SORCS1: variants seen among roughly 807,000 people sequenced by gnomAD.
SORCS1 encodes sortilin related VPS10 domain containing receptor 1.
A neutral mutation model predicts 146.1 loss-of-function variants in SORCS1; 60 were observed. That is an observed-to-expected ratio of 0.41 (90% CI 0.33 to 0.51). The LOEUF (loss-of-function observed/expected upper bound fraction) is 0.51, where lower values mean the gene tolerates loss of function less well. SORCS1 is among the 20% of genes least tolerant of loss of function. The probability of loss-of-function intolerance (pLI) is 0.21; values close to 1 mark genes in which losing one functional copy is unlikely to be tolerated. For synonymous variants in SORCS1, 637 were observed against 584.0 expected (o/e 1.09, Z -1.31); for missense variants, 1,352 against 1,487.6 (o/e 0.91, Z 1.50).
intron 1 of SORCS1, among the ~76,000 whole-genome samples, chr10:107,050,435 A>G (rs1255151737): frequency 2.0e-5 from 3 of 152,176 alleles, no homozygotes; most frequent in Non-Finnish European, 2.9e-5. Flanking sequence ...AGAAGACTCT[A>G]AGACATTGCT....
In SORCS1 at chr10:106,953,142, AGTGTGTGTGT is replaced by A. The variant is rs60289278; in HGVS notation, c.626+3361_626+3370del. Among the ~76,000 whole-genome samples the A allele has an allele frequency of 8.2e-3, 1,210 of 147,708 alleles. 16 individuals are homozygous for A. Among genetic ancestry groups the A allele is most frequent in the African/African-American group, 0.023 (943 of 40,348 alleles). On this transcript the variant is annotated intron_variant, in intron 2 of 25. Coordinates refer to ENST00000263054, the MANE Select transcript of SORCS1 (RefSeq NM_052918.5). ...AAATATATTATGTATCTGTGGGTATAGTGTGTGTGTGTGTGTGTGTGTGTGTGTGTGTGCA... is the reference window on the plus strand; with the variant it reads ...AAATATATTATGTATCTGTGGGTATAGTGTGTGTGTGTGTGTGTGTGTGCA...
chr10:106,581,073 G>A (rs1844876295), intron 24 of SORCS1, among the ~76,000 whole-genome samples: 1 of 152,176 alleles, frequency 6.6e-6, no homozygotes, highest in South Asian at 2.1e-4. Flanking sequence ...AGCTCTCAAT[G>A]CCATCGGCAG....
At chr10:107,065,439 CTT>C (rs1961686598) in intron 1 of SORCS1, among the ~76,000 whole-genome samples, 2 of 147,466 alleles carry the variant, frequency 1.4e-5, no homozygotes, top group African/African-American at 5.0e-5. Context: ...TTCTTTCTTT[CTT>C]TCTTTCTTTT....
chr10:107,144,309 T>G (rs982772695), intron 1 of SORCS1, among the ~76,000 whole-genome samples: 7 of 152,220 alleles, frequency 4.6e-5, no homozygotes, highest in African/African-American at 1.4e-4. Flanking sequence ...GGAGGACTAT[T>G]TCTGTGTTCT....
intron 6 of SORCS1, among the ~76,000 whole-genome samples, chr10:106,712,606 G>T (rs182518548): frequency 2.0e-5 from 3 of 151,894 alleles, no homozygotes; most frequent in Admixed American, 2.0e-4. Context: ...TACTTTAGCT[G>T]TAAGAATTAA....
Position 106,576,637 on chromosome 10 carries a change from A to G in SORCS1, c.*783T>C, listed in dbSNP as rs1844591633. Reference sequence around the variant, plus strand: ...CCTTCCTTCCTTATTCTACCGGCACAAAGGGATCTTCAACTCGCATCTTTG... The same window carrying G: ...CCTTCCTTCCTTATTCTACCGGCACGAAGGGATCTTCAACTCGCATCTTTG... On this transcript the variant is annotated 3_prime_UTR_variant, in exon 26 of 26. Coordinates refer to ENST00000263054, the MANE Select transcript of SORCS1 (RefSeq NM_052918.5). The G allele has an allele frequency of 6.6e-6, 1 of 152,290 alleles. No individual in the cohort carries two copies. Among genetic ancestry groups the G allele is most frequent in the Non-Finnish European group, 1.5e-5 (1 of 68,112 alleles). The allele number at this position is 152,290 out of a possible 1,614,324, so 9.4% of individuals were successfully genotyped here.
At chr10:107,065,444 T>TTTC (rs1208166653) in intron 1 of SORCS1, among the ~76,000 whole-genome samples, 1 of 144,206 alleles carries the variant, frequency 6.9e-6, no homozygotes, top group Admixed American at 6.9e-5. Flanking sequence ...TCTTTCTTTC[T>TTTC]TTCTTTTCTC....
Position 106,709,206 on chromosome 10 carries a change from A to G in SORCS1, c.1143+17T>C, listed in dbSNP as rs1169976599. ...GAAAGGTTTCTGAGACAATCAACAG[A>G]AGTGGATTTTTCCTACCTGAACAAA... On this transcript the variant is annotated intron_variant, in intron 7 of 25. Coordinates refer to ENST00000263054, the MANE Select transcript of SORCS1 (RefSeq NM_052918.5). 3 of 1,565,108 alleles carry G rather than the reference A, an allele frequency of 1.9e-6. No homozygotes were observed. The Admixed American group carries it at 5.0e-5, about 26-fold the overall frequency.
At chr10:107,002,103 A>G (rs1957246763) in intron 1 of SORCS1, among the ~76,000 whole-genome samples, 1 of 152,352 alleles carries the variant, frequency 6.6e-6, no homozygotes, top group East Asian at 1.9e-4. Flanking sequence ...GCCAAGGACA[A>G]GAACGGCCCT....
chr10:106,877,020 G>A (rs1950611257), intron 2 of SORCS1, among the ~76,000 whole-genome samples: 1 of 152,128 alleles, frequency 6.6e-6, no homozygotes, highest in Non-Finnish European at 1.5e-5. Context: ...TTACTAATTA[G>A]ACATTTACCT....
intron 1 of SORCS1, among the ~76,000 whole-genome samples, chr10:107,080,759 A>T (rs1963270002): frequency 6.6e-6 from 1 of 152,226 alleles, no homozygotes; most frequent in Non-Finnish European, 1.5e-5. Flanking sequence ...CCCAGTTATT[A>T]AAACAATAAT....
rs184048310 is a variant in SORCS1, at chr10:106,868,289, G to A, written c.627-38616C>T. Among the ~76,000 whole-genome samples the A allele has an allele frequency of 7.9e-5, 12 of 151,944 alleles. No homozygotes were observed. The East Asian group carries it at 2.3e-3, about 29-fold the overall frequency. On this transcript the variant is annotated intron_variant, in intron 2 of 25. Coordinates refer to ENST00000263054, the MANE Select transcript of SORCS1 (RefSeq NM_052918.5). The stretch of plus-strand genomic sequence containing the variant: ...ACCCCACTGACAGTATTAGATCATT[G>A]AGGGAGAAAATTAACAAGGATATTC...
intron 2 of SORCS1, among the ~76,000 whole-genome samples, chr10:106,834,233 C>A (rs564182461): frequency 5.3e-5 from 8 of 152,136 alleles, no homozygotes; most frequent in South Asian, 2.1e-4. Context: ...TTTTGCCCAA[C>A]AAAGAGGTTA....
intron 1 of SORCS1, among the ~76,000 whole-genome samples, chr10:107,004,407 G>C (rs1036949455): frequency 2.6e-5 from 4 of 152,128 alleles, no homozygotes; most frequent in Non-Finnish European, 2.9e-5. Context: ...TGGTGGAGGA[G>C]GCCTAGCAAT....
chr10:107,124,956 T>TC (rs1201394216), intron 1 of SORCS1, among the ~76,000 whole-genome samples: 3 of 142,350 alleles, frequency 2.1e-5, no homozygotes, highest in Non-Finnish European at 3.1e-5. Context: ...TCTTTTTCTT[T>TC]TTTTTTTTTT....
chr10:106,694,510 G>GT lies in SORCS1; in HGVS notation c.1413+4703dup, dbSNP rs139806583. On this transcript the variant is annotated intron_variant, in intron 9 of 25. Coordinates refer to ENST00000263054, the MANE Select transcript of SORCS1 (RefSeq NM_052918.5). ...GATTCTTCTGCCTCTGCCTCCTAAA[G>GT]TGCTGGGATTACAAGCATGAGCCAC... Among the ~76,000 whole-genome samples, 18 of 152,146 alleles carry GT rather than the reference G, an allele frequency of 1.2e-4. No homozygotes were observed. In the East Asian group the frequency reaches 3.3e-3, roughly 28 times the overall value.
chr10:106,825,812 C>A (rs1167956768), intron 3 of SORCS1, among the ~76,000 whole-genome samples: 1 of 152,152 alleles, frequency 6.6e-6, no homozygotes, highest in Non-Finnish European at 1.5e-5. Flanking sequence ...GCACTGGGAC[C>A]ACTCAGCCTT....
At chr10:106,656,266 A>G (rs1399263171) in intron 17 of SORCS1, among the ~76,000 whole-genome samples, 1 of 152,164 alleles carries the variant, frequency 6.6e-6, no homozygotes, top group African/African-American at 2.4e-5. Flanking sequence ...GATGAAGGCA[A>G]TAGGCTGGGC....
intron 2 of SORCS1, among the ~76,000 whole-genome samples, chr10:106,912,515 A>G (rs6584769): frequency 0.048 from 7,301 of 152,176 alleles, 527 homozygotes; most frequent in African/African-American, 0.16. Context: ...TAAGCCCACA[A>G]AATTTTCGGA....
Sources: allele counts gnomAD v4.1 joint callset (sites outside exome capture counted in the v4.1 genomes callset), GRCh38; gene constraint gnomAD v4.1.1; transcripts MANE v1.5; gene names NCBI Gene and HGNC (gene_info 2026-07-23, HGNC 2026-07-21).